RERE: variants seen among roughly 807,000 people sequenced by gnomAD.
RERE encodes arginine-glutamic acid dipeptide repeats, also known as arginine-glutamic acid dipeptide repeats protein.
Under a neutral mutation model 146.1 loss-of-function variants are expected in RERE, and 40 were observed. That is an observed-to-expected ratio of 0.27 (90% CI 0.21 to 0.36). The LOEUF (loss-of-function observed/expected upper bound fraction) is 0.36, where lower values mean the gene tolerates loss of function less well. RERE is among the 10% of genes least tolerant of loss of function. The pLI is 1.00. For synonymous variants in RERE, 1,003 were observed against 866.0 expected, an observed-to-expected ratio of 1.16 and a Z score of -2.78; for missense variants, 1,933 against 2,138.7, an observed-to-expected ratio of 0.90 and a Z score of 1.90.
chr1:8,800,603 A>C (rs1641569206), intron 1 of RERE, among the ~76,000 whole-genome samples: 1 of 152,128 alleles, frequency 6.6e-6, no homozygotes, highest in African/African-American at 2.4e-5. Context: ...CCAAGAGTTA[A>C]GAGGCTGCAG....
chr1:8,503,099 T>TA lies in RERE; in HGVS notation c.879+5527dup, dbSNP rs199674197. On this transcript the variant is annotated intron_variant, in intron 8 of 22. Coordinates refer to ENST00000400908, the MANE Select transcript of RERE (RefSeq NM_001042681.2). ...GAATGATCAATTAAAAATAAATAAA[T>TA]AAATAAATAAATAAATAAATAAATA... is the stretch of plus-strand genomic sequence containing the variant. Among the ~76,000 whole-genome samples, 1,110 of 143,448 alleles carry TA rather than the reference T, an allele frequency of 7.7e-3. 9 individuals are homozygous for TA. The highest frequency in any genetic ancestry group is 0.028 in the African/African-American group (1,058 of 38,082). The allele number at this position is 143,448 out of a possible 152,430, so 94.1% of individuals were successfully genotyped here.
At chr1:8,735,734 G>C (rs1196298045) in intron 1 of RERE, among the ~76,000 whole-genome samples, 1 of 152,104 alleles carries the variant, frequency 6.6e-6, no homozygotes, top group Non-Finnish European at 1.5e-5. Context: ...CATGAGATCT[G>C]GTCGTTTAAA....
intron 12 of RERE, among the ~76,000 whole-genome samples, chr1:8,366,810 C>G (rs1641818359): frequency 6.6e-6 from 1 of 151,918 alleles, no homozygotes; most frequent in African/African-American, 2.4e-5. Flanking sequence ...TTTGGGCACC[C>G]CCAGCCCTCA....
chr1:8,402,080 G>C (rs1482507967), intron 12 of RERE, among the ~76,000 whole-genome samples: 1 of 152,114 alleles, frequency 6.6e-6, no homozygotes, highest in Non-Finnish European at 1.5e-5. Flanking sequence ...TGTTGGCCAG[G>C]ATGGTCTCAA....
At chr1:8,515,413 C>A (rs1219065361) in intron 7 of RERE, among the ~76,000 whole-genome samples, 1 of 149,616 alleles carries the variant, frequency 6.7e-6, no homozygotes, top group African/African-American at 2.5e-5. Flanking sequence ...AGGCAGGTCA[C>A]CTGACGTCAG....
chr1:8,424,164 T>C (rs963291565), intron 11 of RERE: 4 of 152,164 alleles, frequency 2.6e-5, no homozygotes, highest in Non-Finnish European at 5.9e-5. Context: ...AACGGGGGGC[T>C]GGCCCCGACG....
At chr1:8,747,316 A>G (rs1452718555) in intron 1 of RERE, among the ~76,000 whole-genome samples, 1 of 152,058 alleles carries the variant, frequency 6.6e-6, no homozygotes, top group South Asian at 2.1e-4. Flanking sequence ...TTAACTTTTA[A>G]AAGGATCCTT....
At chr1:8,603,010 T>C (rs1401671002) in intron 4 of RERE, among the ~76,000 whole-genome samples, 3 of 152,106 alleles carry the variant, frequency 2.0e-5, no homozygotes, top group Non-Finnish European at 4.4e-5. Flanking sequence ...TACAGAGGCA[T>C]GATGTGAGAA....
chr1:8,470,968 C>A (rs1644676378), intron 10 of RERE, among the ~76,000 whole-genome samples: 1 of 151,192 alleles, frequency 6.6e-6, no homozygotes, highest in African/African-American at 2.4e-5. Context: ...ACAGGCGCGC[C>A]ACCACACCCA....
At chr1:8,736,058 T>C (rs1237039863) in intron 1 of RERE, among the ~76,000 whole-genome samples, 1 of 152,218 alleles carries the variant, frequency 6.6e-6, no homozygotes, top group Non-Finnish European at 1.5e-5. Context: ...TAGAGGATGA[T>C]TCTACAGTAA....
At chr1:8,704,420 CTG>C (rs1639518930) in intron 1 of RERE, among the ~76,000 whole-genome samples, 1 of 152,194 alleles carries the variant, frequency 6.6e-6, no homozygotes, top group African/African-American at 2.4e-5. Context: ...ATGATTACTT[CTG>C]GTATCTTCAC....
At chr1:8,736,620 T>C (rs918740749) in intron 1 of RERE, among the ~76,000 whole-genome samples, 1 of 152,096 alleles carries the variant, frequency 6.6e-6, no homozygotes, top group Non-Finnish European at 1.5e-5. Flanking sequence ...AATATAATAA[T>C]CTTGGAATGT....
intron 4 of RERE, among the ~76,000 whole-genome samples, chr1:8,604,535 G>T (rs1196761799): frequency 6.7e-6 from 1 of 148,584 alleles, no homozygotes; most frequent in African/African-American, 2.5e-5. Context: ...TGTGGGGGAA[G>T]AGGAGGTACC....
intron 1 of RERE, among the ~76,000 whole-genome samples, chr1:8,711,677 G>A (rs940949647): frequency 6.6e-6 from 1 of 152,126 alleles, no homozygotes; most frequent in African/African-American, 2.4e-5. Context: ...TTAAAATGAG[G>A]CCCCTCGTGT....
chr1:8,729,105 G>A (rs147716439), intron 1 of RERE, among the ~76,000 whole-genome samples: 6 of 151,866 alleles, frequency 4.0e-5, no homozygotes, highest in African/African-American at 7.2e-5. Flanking sequence ...TGGAAGCTGC[G>A]GTGAGCTGAG....
At chr1:8,608,775 T>C (rs1315256058) in intron 4 of RERE, among the ~76,000 whole-genome samples, 1 of 152,224 alleles carries the variant, frequency 6.6e-6, no homozygotes, top group Non-Finnish European at 1.5e-5. Context: ...ATGATGAATA[T>C]GATGAAAAGA....
At chr1:8,519,390 A>G (rs2399143) in intron 7 of RERE, among the ~76,000 whole-genome samples, 131,325 of 152,192 alleles carry the variant, frequency 0.86, 57,162 homozygotes, top group African/African-American at 0.97. Flanking sequence ...CTATGATCAC[A>G]CCACTGCACT....
intron 4 of RERE, among the ~76,000 whole-genome samples, chr1:8,584,997 A>T (rs1276984785): frequency 6.6e-6 from 1 of 152,038 alleles, no homozygotes; most frequent in Non-Finnish European, 1.5e-5. Context: ...AAGTACAAAA[A>T]AATTAGCCAG....
At chr1:8,750,294 G>A (rs28699456) in intron 1 of RERE, 1 of 553,210 alleles carries the variant, frequency 1.8e-6, no homozygotes, top group Non-Finnish European at 3.2e-6. Context: ...TCAATATCAA[G>A]GTAACGGAAG....
Sources: gnomAD v4.1 joint callset for allele counts (sites outside exome capture counted in the v4.1 genomes callset) on GRCh38, gnomAD v4.1.1 for gene constraint, MANE v1.5 for transcripts, NCBI Gene and HGNC (gene_info 2026-07-23, HGNC 2026-07-21) for gene names.